Variants in ZNF274 observed in about 807,000 individuals in gnomAD.
ZNF274 encodes neurotrophin receptor-interacting factor homolog.
Under a neutral mutation model 42.5 loss-of-function variants are expected in ZNF274, and 23 were observed. The ratio of observed to expected loss-of-function variants is 0.54; its 90% confidence interval spans 0.39 to 0.77. The LOEUF is 0.77. Among genes scored for constraint, ZNF274 ranks in the 30% least tolerant of loss-of-function variants. ZNF274 has a pLI of 0.00. For missense variants in ZNF274, 679 were observed against 806.5 expected, an observed-to-expected ratio of 0.84 and a Z score of 1.91; for synonymous variants, 292 against 305.4, an observed-to-expected ratio of 0.96 and a Z score of 0.46.
At chr19:58,200,633 G>C (rs1324829935) in intron 4 of ZNF274, among the ~76,000 whole-genome samples, 1 of 152,138 alleles carries the variant, frequency 6.6e-6, no homozygotes, top group Non-Finnish European at 1.5e-5. Context: ...ACTATACCAG[G>C]CAGGAGGGTG....
At chr19:58,189,336 T>C (rs143569811) in intron 4 of ZNF274, among the ~76,000 whole-genome samples, 7 of 152,330 alleles carry the variant, frequency 4.6e-5, no homozygotes, top group African/African-American at 1.7e-4. Flanking sequence ...GTATTTGTTA[T>C]ATACCTCGAA....
Position 58,207,168 on chromosome 19 carries a change from G to A in ZNF274, c.705G>A (p.Leu235=), listed in dbSNP as rs748570247. Residue 235 remains leucine (L), a synonymous_variant, in exon 5 of 8, where the codon CTG becomes CTA. Coordinates refer to ENST00000617501, the MANE Select transcript of ZNF274 (RefSeq NM_133502.3). This position sits in a 1 kb window ranked among gnomAD's most constrained non-coding sequence, Gnocchi z 5.6. ...AGAACTGCCAAGAGGTGGTGGCCCT[G>A]GTAGAGGGTGTGACCTGGATGTCTG... The part of the protein sequence containing the change: ...HPENCQEVVA[L]VEGVTWMSEE... 34 of 1,612,900 alleles carry A rather than the reference G, an allele frequency of 2.1e-5. No individual in the cohort carries two copies. Among genetic ancestry groups the A allele is most frequent in the Non-Finnish European group, 2.8e-5 (33 of 1,179,442 alleles).
At chr19:58,189,632 TC>T (rs1212586090) in intron 4 of ZNF274, among the ~76,000 whole-genome samples, 1 of 152,146 alleles carries the variant, frequency 6.6e-6, no homozygotes, top group African/African-American at 2.4e-5. Flanking sequence ...AAAGAAAAAG[TC>T]TTAGCTGGCT....
At chr19:58,184,246 T>C (rs914549855) in intron 2 of ZNF274, 21 of 509,306 alleles carry the variant, frequency 4.1e-5, no homozygotes, top group African/African-American at 3.7e-4. Context: ...GGCTCTTGCT[T>C]GTATCCTTTA....
intron 4 of ZNF274, among the ~76,000 whole-genome samples, chr19:58,199,820 A>G (rs1407754210): frequency 6.6e-6 from 1 of 152,286 alleles, no homozygotes; most frequent in Non-Finnish European, 1.5e-5. Flanking sequence ...AAATTATTAA[A>G]GAATGAGCAG....
At chr19:58,183,638 G>A (rs1016840504) in intron 1 of ZNF274, 196 bp downstream of exon 1, 1 of 247,514 alleles carries the variant, frequency 4.0e-6, no homozygotes, top group African/African-American at 2.2e-5. Flanking sequence ...TGCTTTCGGG[G>A]CGCCGCGGTG....
At chr19:58,190,692 T>G (rs1448925432) in intron 4 of ZNF274, among the ~76,000 whole-genome samples, 2 of 152,224 alleles carry the variant, frequency 1.3e-5, no homozygotes, top group African/African-American at 2.4e-5. Flanking sequence ...TTTGTGTCAG[T>G]ATTCATAAAT....
chr19:58,197,438 C>A (rs1160925302), intron 4 of ZNF274, among the ~76,000 whole-genome samples: 1 of 152,220 alleles, frequency 6.6e-6, no homozygotes, highest in Non-Finnish European at 1.5e-5. Context: ...ACATAAAACA[C>A]TGATAAGTAT....
chr19:58,192,919 AT>A (rs960137956), intron 4 of ZNF274, among the ~76,000 whole-genome samples: 3 of 151,362 alleles, frequency 2.0e-5, no homozygotes, highest in African/African-American at 7.3e-5. Flanking sequence ...TAAGTTTTAT[AT>A]TTTTTTGTCA....
In ZNF274 at chr19:58,186,853, A is replaced by T. The variant is rs962860756; in HGVS notation, c.161-94A>T. The T allele has an allele frequency of 2.1e-5, 22 of 1,035,324 alleles. No individual in the cohort carries two copies. In the African/African-American group the frequency reaches 3.0e-4, roughly 14 times the overall value. 64.1% of individuals were successfully genotyped at this position (1,035,324 alleles called of 1,614,324 possible). ...TAGGCCAGAAGTCATGTGCCTTAGCAGGGGAGAAGCTGGAGACGGCTTGTG... is the reference window on the plus strand; with the variant it reads ...TAGGCCAGAAGTCATGTGCCTTAGCTGGGGAGAAGCTGGAGACGGCTTGTG... On this transcript the variant is annotated intron_variant, in intron 3 of 7. Transcript: ENST00000617501.
rs1433564705 is a variant in ZNF274, at chr19:58,185,754, G to A, written c.76G>A (p.Glu26Lys). Residue 26 changes from glutamate to lysine, a missense_variant, in exon 3 of 8, where the codon GAA (glutamate) becomes AAA (lysine). Glu to Lys is a moderately conservative substitution (Grantham distance 56, BLOSUM62 1). Coordinates refer to ENST00000617501, the MANE Select transcript of ZNF274 (RefSeq NM_133502.3). ...AGATGTAACACTGGGTTTTACCCCG[G>A]AAGAGTGGGGACTGCTGGACCTCAA... ...FEDVTLGFTPEEWGLLDLKQK... is the reference protein window; with the variant it reads ...FEDVTLGFTPKEWGLLDLKQK... The A allele has an allele frequency of 6.8e-7, 1 of 1,465,616 alleles. No individual in the cohort carries two copies. Among genetic ancestry groups the A allele is most frequent in the Non-Finnish European group, 9.1e-7 (1 of 1,102,706 alleles). 90.8% of individuals were successfully genotyped at this position (1,465,616 alleles called of 1,614,324 possible). A position where few individuals can be genotyped will look rare whatever the true frequency, so the allele number is the denominator to read the frequency against.
chr19:58,205,791 T>G (rs1051981415), intron 4 of ZNF274, among the ~76,000 whole-genome samples: 6 of 152,200 alleles, frequency 3.9e-5, no homozygotes, highest in Non-Finnish European at 7.3e-5. Context: ...CCCCTGCCTT[T>G]CCCATATATC....
intron 4 of ZNF274, among the ~76,000 whole-genome samples, chr19:58,189,184 C>A (rs2075749163): frequency 6.6e-6 from 1 of 151,910 alleles, no homozygotes. Context: ...AATATCATAT[C>A]CCAGACCATA....
chr19:58,213,239 G>T lies in ZNF274; in HGVS notation c.*96G>T, dbSNP rs1339786093. The stretch of plus-strand genomic sequence containing the variant: ...GTGAATCAGGACTGAATGTGAAAGG[G>T]AAGTATTGAGTGAGGACATTCCCAA... On this transcript the variant is annotated 3_prime_UTR_variant, in exon 8 of 8. Transcript: ENST00000617501. 2.7e-6 allele frequency: 4 copies of T among 1,469,552 alleles called. No homozygotes were observed. Among genetic ancestry groups the T allele is most frequent in the Non-Finnish European group, 3.6e-6 (4 of 1,108,426 alleles). The allele number at this position is 1,469,552 out of a possible 1,614,324, so 91.0% of individuals were successfully genotyped here.
chr19:58,186,653 A>G (rs913333150), intron 3 of ZNF274, among the ~76,000 whole-genome samples: 14 of 152,144 alleles, frequency 9.2e-5, no homozygotes, highest in African/African-American at 3.4e-4. Flanking sequence ...CAAGGCAGAA[A>G]CAAGGAGAAG....
intron 4 of ZNF274, among the ~76,000 whole-genome samples, chr19:58,199,966 A>T (rs2075890792): frequency 6.6e-6 from 1 of 152,250 alleles, no homozygotes; most frequent in Admixed American, 6.5e-5. Flanking sequence ...TCTAGCCATC[A>T]ACCTCTGGAG....
intron 4 of ZNF274, among the ~76,000 whole-genome samples, chr19:58,197,302 A>G (rs1273458431): frequency 6.6e-6 from 1 of 152,218 alleles, no homozygotes; most frequent in Non-Finnish European, 1.5e-5. Flanking sequence ...CAGACAAATG[A>G]CCAGCCTTAA....
At chr19:58,188,618 AAAATATATATATAT>A (rs919305150) in intron 4 of ZNF274, among the ~76,000 whole-genome samples, 10 of 52,574 alleles carry the variant, frequency 1.9e-4, no homozygotes, top group African/African-American at 1.2e-3. Context: ...AAAAAAAAAA[AAAATATATATATAT>A]ATATATATAT....
intron 4 of ZNF274, among the ~76,000 whole-genome samples, chr19:58,195,252 C>T (rs2075828450): frequency 1.4e-5 from 2 of 147,328 alleles, no homozygotes; most frequent in South Asian, 4.2e-4. Flanking sequence ...TATATATATA[C>T]ACACTAATAG....
Sources: allele counts gnomAD v4.1 joint callset (sites outside exome capture counted in the v4.1 genomes callset), GRCh38; gene constraint gnomAD v4.1.1; non-coding constraint Gnocchi (gnomAD v3.1); transcripts MANE v1.5; gene names NCBI Gene and HGNC (gene_info 2026-07-23, HGNC 2026-07-21).